The following ABCG2 variants were observed in gnomAD, a reference collection of about 807,000 sequenced individuals.
ABCG2 encodes ATP binding cassette subfamily G member 2 (JR blood group).
ABCG2 carries 80 observed loss-of-function variants against 73.5 expected under a neutral mutation model. The observed-to-expected ratio is 1.09, with a 90% confidence interval of 0.91 to 1.31. The LOEUF (loss-of-function observed/expected upper bound fraction) is 1.31. ABCG2 is among the 50% of genes most tolerant of loss of function. The probability of loss-of-function intolerance (pLI) is 0.00; values close to 1 mark genes in which losing one functional copy is unlikely to be tolerated. For synonymous variants in ABCG2, 269 were observed against 282.4 expected, an observed-to-expected ratio of 0.95 and a Z score of 0.48; for missense variants, 796 against 786.2, an observed-to-expected ratio of 1.01 and a Z score of -0.15.
chr4:88,228,400 A>G (rs1730314834), intron 1 of ABCG2, among the ~76,000 whole-genome samples: 1 of 152,162 alleles, frequency 6.6e-6, no homozygotes, highest in Non-Finnish European at 1.5e-5. Flanking sequence ...TCTACCCCCA[A>G]AAAGTCTAAT....
Position 88,113,475 on chromosome 4 carries a change from AAGG to A in ABCG2, c.1019_1021del (p.Ser340del), listed in dbSNP as rs755318857. Reference sequence around the variant, plus strand: ...TAATTCAGCTTTTGTCTCTTTGTAGAAGGAGGAGTTGACATAAATCTCCGCTAA... The same window carrying A: ...TAATTCAGCTTTTGTCTCTTTGTAGAAGGAGTTGACATAAATCTCCGCTAA... On this transcript the variant is annotated inframe_deletion, in exon 9 of 16. Transcript: ENST00000237612. The A allele has an allele frequency of 1.2e-5, 19 of 1,613,984 alleles. No homozygotes were observed. The highest frequency in any genetic ancestry group is 1.3e-5 in the Non-Finnish European group (15 of 1,180,034).
At chr4:88,149,008 A>G (rs903165627) in intron 1 of ABCG2, among the ~76,000 whole-genome samples, 1 of 152,186 alleles carries the variant, frequency 6.6e-6, no homozygotes, top group Non-Finnish European at 1.5e-5. Context: ...TTTCATTTAC[A>G]TTCCCACAAA....
chr4:88,101,805 A>G (rs969739840), intron 10 of ABCG2, among the ~76,000 whole-genome samples: 24 of 152,344 alleles, frequency 1.6e-4, no homozygotes, highest in Non-Finnish European at 2.4e-4. Flanking sequence ...CAATGCTGGC[A>G]TCCTGATCTC....
chr4:88,218,816 C>G (rs1027112107), intron 1 of ABCG2, among the ~76,000 whole-genome samples: 19 of 152,220 alleles, frequency 1.2e-4, no homozygotes, highest in African/African-American at 4.1e-4. Flanking sequence ...TATCTCTAGT[C>G]TATTATCTTT....
intron 1 of ABCG2, among the ~76,000 whole-genome samples, chr4:88,193,823 C>A (rs1357921649): frequency 6.6e-6 from 1 of 152,200 alleles, no homozygotes; most frequent in Admixed American, 6.5e-5. Flanking sequence ...TGGCTCACTG[C>A]AACCTCCACT....
intron 1 of ABCG2, among the ~76,000 whole-genome samples, chr4:88,172,803 T>C (rs961784006): frequency 6.6e-6 from 1 of 152,074 alleles, no homozygotes; most frequent in Non-Finnish European, 1.5e-5. Context: ...AGGAGGGGTT[T>C]TTTTCTGGCT....
intron 1 of ABCG2, among the ~76,000 whole-genome samples, chr4:88,228,423 T>G (rs1280695329): frequency 6.6e-6 from 1 of 152,172 alleles, no homozygotes; most frequent in Non-Finnish European, 1.5e-5. Flanking sequence ...AGACCCGGGA[T>G]AGCTTAGGCT....
At chr4:88,202,199 C>T (rs974886458) in intron 1 of ABCG2, among the ~76,000 whole-genome samples, 2 of 151,246 alleles carry the variant, frequency 1.3e-5, no homozygotes, top group Non-Finnish European at 2.9e-5. Context: ...TGCCCCATGT[C>T]AACTTTCGGC....
At chr4:88,194,115 A>G (rs1053771818) in intron 1 of ABCG2, among the ~76,000 whole-genome samples, 14 of 152,198 alleles carry the variant, frequency 9.2e-5, no homozygotes, top group Admixed American at 2.0e-4. Flanking sequence ...CTGACATTTC[A>G]TAGAAACAGA....
chr4:88,213,946 G>T (rs190940797), intron 1 of ABCG2, among the ~76,000 whole-genome samples: 210 of 144,536 alleles, frequency 1.5e-3, no homozygotes, highest in African/African-American at 5.2e-3. Context: ...GCCTCCCAAA[G>T]TGCTGGGATT....
chr4:88,174,486 C>T (rs190797634), intron 1 of ABCG2, among the ~76,000 whole-genome samples: 6 of 152,270 alleles, frequency 3.9e-5, no homozygotes, highest in African/African-American at 1.2e-4. Context: ...CATGTCCCTC[C>T]AAAGGACATG....
chr4:88,116,292 G>C (rs1014609108), intron 7 of ABCG2, among the ~76,000 whole-genome samples: 3 of 152,084 alleles, frequency 2.0e-5, no homozygotes, highest in African/African-American at 7.2e-5. Flanking sequence ...CAGTATTCTC[G>C]ATAGAACATG....
chr4:88,215,071 G>A (rs545674641), intron 1 of ABCG2, among the ~76,000 whole-genome samples: 2 of 152,234 alleles, frequency 1.3e-5, no homozygotes, highest in South Asian at 4.2e-4. Context: ...CAGCCTGGGT[G>A]ACAGAATGAG....
At chr4:88,133,965 T>C (rs1578212885) in intron 2 of ABCG2, among the ~76,000 whole-genome samples, 1 of 150,520 alleles carries the variant, frequency 6.6e-6, no homozygotes, top group East Asian at 1.9e-4. Context: ...GTCATTGTAC[T>C]CCAGCCTGGG....
intron 1 of ABCG2, among the ~76,000 whole-genome samples, chr4:88,140,702 C>T (rs1725578680): frequency 6.6e-6 from 1 of 151,984 alleles, no homozygotes; most frequent in Non-Finnish European, 1.5e-5. Context: ...AGGGGCTTAG[C>T]CAAGCAGTCA....
chr4:88,115,242 C>CTCTCTGTCTCTCTCTCTCTCTT (rs1421787471), intron 7 of ABCG2, among the ~76,000 whole-genome samples, 184 bp from the exon 8 acceptor site: 1 of 77,734 alleles, frequency 1.3e-5, no homozygotes, highest in African/African-American at 4.5e-5. Flanking sequence ...GTCTCTCTCT[C>CTCTCTGTCTCTCTCTCTCTCTT]TCTCTCTCTC....
chr4:88,091,078 CA>C lies in ABCG2; in HGVS notation c.*1155del, dbSNP rs1360134915. The C allele has an allele frequency of 6.6e-6, 1 of 152,184 alleles. No homozygotes were observed. Among genetic ancestry groups the C allele is most frequent in the African/African-American group, 2.4e-5 (1 of 41,450 alleles). The allele number at this position is 152,184 out of a possible 1,614,324, so 9.4% of individuals were successfully genotyped here. A position where few individuals can be genotyped will look rare whatever the true frequency, so the allele number is the denominator to read the frequency against. Reference sequence around the variant, plus strand: ...ATAACAGCAACAGAGGGAAATACATCAAGTGTCATTTCAAAAATAACCCAGG... The same window carrying C: ...ATAACAGCAACAGAGGGAAATACATCAGTGTCATTTCAAAAATAACCCAGG... On this transcript the variant is annotated 3_prime_UTR_variant, in exon 16 of 16. Coordinates refer to ENST00000237612, the MANE Select transcript of ABCG2 (RefSeq NM_004827.3).
intron 1 of ABCG2, among the ~76,000 whole-genome samples, chr4:88,151,753 AG>A (rs1472521686): frequency 6.6e-6 from 1 of 151,920 alleles, no homozygotes; most frequent in Non-Finnish European, 1.5e-5. Context: ...AAAAAAAAAA[AG>A]AATTATTAAC....
chr4:88,094,705 C>A (rs2231164), intron 14 of ABCG2, 46 bp from the exon 15 acceptor site: 2 of 1,484,860 alleles, frequency 1.3e-6, no homozygotes, highest in African/African-American at 2.8e-5. Flanking sequence ...TTTTAAATTT[C>A]AAGAAGTTTC....
Sources: allele counts gnomAD v4.1 joint callset (sites outside exome capture counted in the v4.1 genomes callset), GRCh38; gene constraint gnomAD v4.1.1; transcripts MANE v1.5; gene names NCBI Gene and HGNC (gene_info 2026-07-23, HGNC 2026-07-21).